Variants in ANKS1A observed in about 807,000 individuals in gnomAD.
ANKS1A encodes ankyrin repeat and sterile alpha motif domain containing 1A.
A neutral mutation model predicts 120.3 loss-of-function variants in ANKS1A; 55 were observed. The observed-to-expected ratio is 0.46, with a 90% CI of 0.37 to 0.57. ANKS1A has a LOEUF of 0.57. ANKS1A is among the 20% of genes least tolerant of loss of function. ANKS1A has a pLI of 0.00. For synonymous variants in ANKS1A, 590 were observed against 604.7 expected, an observed-to-expected ratio of 0.98 and a Z score of 0.36; for missense variants, 1,123 against 1,480.3, an observed-to-expected ratio of 0.76 and a Z score of 3.96.
At chr6:34,906,197 A>G (rs1464965655) in intron 1 of ANKS1A, among the ~76,000 whole-genome samples, 2 of 152,202 alleles carry the variant, frequency 1.3e-5, no homozygotes, top group Non-Finnish European at 2.9e-5. Flanking sequence ...GCAGAGGTCC[A>G]AGGAAAGGTG....
intron 2 of ANKS1A, 40 bp from the exon 3 acceptor site, chr6:34,969,970 T>A: frequency 6.2e-7 from 1 of 1,602,496 alleles, no homozygotes; most frequent in Non-Finnish European, 8.5e-7. Flanking sequence ...TGGAAAGACT[T>A]CTGAGTTCTA....
At chr6:34,937,197 G>A (rs1056437364) in intron 1 of ANKS1A, among the ~76,000 whole-genome samples, 3 of 152,100 alleles carry the variant, frequency 2.0e-5, no homozygotes, top group Admixed American at 6.5e-5. Context: ...CTGGTGGGGC[G>A]CAGTGGCACA....
intron 1 of ANKS1A, among the ~76,000 whole-genome samples, chr6:34,946,444 C>T (rs890125262): frequency 1.3e-5 from 2 of 151,856 alleles, no homozygotes; most frequent in African/African-American, 2.4e-5. Flanking sequence ...AAATATTAGT[C>T]GGGCATGGTG....
intron 1 of ANKS1A, among the ~76,000 whole-genome samples, chr6:34,918,300 C>G (rs910865969): frequency 6.6e-6 from 1 of 152,118 alleles, no homozygotes; most frequent in African/African-American, 2.4e-5. Context: ...GGTTCAAATG[C>G]CAGCTCTCCA....
intron 11 of ANKS1A, among the ~76,000 whole-genome samples, chr6:35,035,740 T>G (rs1775131738): frequency 6.6e-6 from 1 of 152,250 alleles, no homozygotes; most frequent in Admixed American, 6.5e-5. Flanking sequence ...TAGTCATCCC[T>G]GGATATCAGT....
chr6:35,019,308 C>G (rs556766062), intron 11 of ANKS1A, among the ~76,000 whole-genome samples: 4 of 152,170 alleles, frequency 2.6e-5, no homozygotes, highest in Non-Finnish European at 5.9e-5. Flanking sequence ...GGGAACACTA[C>G]AGCTGACATG....
At chr6:34,891,080 A>C (rs1206371017) in intron 1 of ANKS1A, among the ~76,000 whole-genome samples, 3 of 152,216 alleles carry the variant, frequency 2.0e-5, no homozygotes, top group Non-Finnish European at 4.4e-5. Context: ...CAGCTCAGAG[A>C]ACAGAGACAT....
At chr6:34,890,512 C>CTT (rs1766762735) in intron 1 of ANKS1A, among the ~76,000 whole-genome samples, 3 of 152,154 alleles carry the variant, frequency 2.0e-5, no homozygotes, top group Admixed American at 6.6e-5. Context: ...TTGGATTAGT[C>CTT]TAAGTGGCAT....
intron 1 of ANKS1A, among the ~76,000 whole-genome samples, chr6:34,904,935 T>G (rs1227171900): frequency 6.6e-6 from 1 of 152,158 alleles, no homozygotes; most frequent in African/African-American, 2.4e-5. Context: ...CTCCGCCTCC[T>G]GAGTAGCTGG....
chr6:35,096,911 A>T, the ANKS1A span, among the ~76,000 whole-genome samples: 1 of 151,848 alleles, frequency 6.6e-6, no homozygotes, highest in African/African-American at 2.4e-5. Flanking sequence ...AAAGAAAAAA[A>T]AAACACACAC....
chr6:34,970,170 G>C lies in ANKS1A; in HGVS notation c.435+4G>C. The C allele has an allele frequency of 6.2e-7, 1 of 1,609,410 alleles. No individual in the cohort carries two copies. Among genetic ancestry groups the C allele is most frequent in the Non-Finnish European group, 8.5e-7 (1 of 1,177,910 alleles). ...ACACACCAGAGTCAATGAACAGGTC[G>C]GAAGGAAGGGAGGCTTTCCTTCCTC... On this transcript the variant is annotated splice_donor_region_variant and intron_variant, in intron 3 of 23. Transcript: ENST00000360359.
intron 1 of ANKS1A, among the ~76,000 whole-genome samples, chr6:34,890,947 A>G (rs1437051011): frequency 6.6e-6 from 1 of 152,242 alleles, no homozygotes; most frequent in Non-Finnish European, 1.5e-5. Flanking sequence ...CTTTACAGGA[A>G]GATTTTAAAA....
intron 11 of ANKS1A, among the ~76,000 whole-genome samples, chr6:35,027,134 T>C (rs1774668920): frequency 6.6e-6 from 1 of 152,170 alleles, no homozygotes; most frequent in Non-Finnish European, 1.5e-5. Context: ...TCAAAATTAC[T>C]AAGACCAGAA....
chr6:34,970,232 A>C (rs185788787), intron 3 of ANKS1A, 66 bp downstream of exon 3: 3 of 1,505,090 alleles, frequency 2.0e-6, no homozygotes, highest in Non-Finnish European at 2.7e-6. Context: ...CCCCATCACC[A>C]TCTTAGCCCC....
chr6:35,002,926 G>A (rs1439232575), intron 10 of ANKS1A, among the ~76,000 whole-genome samples: 1 of 150,154 alleles, frequency 6.7e-6, no homozygotes, highest in African/African-American at 2.5e-5. Context: ...CTCCAAAGTT[G>A]CAGACCGTTT....
intron 10 of ANKS1A, among the ~76,000 whole-genome samples, chr6:34,995,524 A>G (rs558798732): frequency 3.3e-5 from 5 of 152,314 alleles, no homozygotes; most frequent in Non-Finnish European, 5.9e-5. Context: ...AAAATATAGA[A>G]CAGTTTCATC....
chr6:35,010,785 A>G (rs965490828), intron 10 of ANKS1A, among the ~76,000 whole-genome samples: 1 of 152,166 alleles, frequency 6.6e-6, no homozygotes, highest in African/African-American at 2.4e-5. Flanking sequence ...TTACCCCCCA[A>G]TTTTTACATG....
intron 1 of ANKS1A, among the ~76,000 whole-genome samples, chr6:34,950,222 C>CTTTTTT (rs747865614): frequency 1.0e-5 from 1 of 97,542 alleles, no homozygotes; most frequent in African/African-American, 4.4e-5. Context: ...TCTTTTCTCT[C>CTTTTTT]TTTTTTTTTT....
intron 1 of ANKS1A, among the ~76,000 whole-genome samples, chr6:34,963,260 T>C (rs910564527): frequency 6.6e-5 from 10 of 152,190 alleles, no homozygotes; most frequent in Non-Finnish European, 1.5e-4. Context: ...TTTTGTTCCT[T>C]TGACCAACAT....
Sources: gnomAD v4.1 joint callset for allele counts (sites outside exome capture counted in the v4.1 genomes callset) on GRCh38, gnomAD v4.1.1 for gene constraint, MANE v1.5 for transcripts, NCBI Gene and HGNC (gene_info 2026-07-23, HGNC 2026-07-21) for gene names.